Variants in CWF19L2 observed in about 807,000 individuals in gnomAD.
CWF19L2 encodes the protein CWF19 like cell cycle control factor 2, also known as CWF19-like protein 2.
CWF19L2 carries 98 observed loss-of-function variants against 111.7 expected under a neutral mutation model. The observed-to-expected ratio is 0.88, with a 90% CI of 0.75 to 1.04. CWF19L2 has a LOEUF of 1.04. Ranked by LOEUF, CWF19L2 falls within the 50% of genes least tolerant of loss-of-function variation. The pLI, the probability that CWF19L2 is intolerant of heterozygous loss-of-function variation, is 0.00. For missense variants in CWF19L2, 1,101 were observed against 1,051.4 expected (o/e 1.05, Z -0.65); for synonymous variants, 351 against 342.9 (o/e 1.02, Z -0.26).
intron 12 of CWF19L2, among the ~76,000 whole-genome samples, chr11:107,360,415 T>C (rs1038272874): frequency 6.6e-6 from 1 of 152,256 alleles, no homozygotes; most frequent in Non-Finnish European, 1.5e-5. Context: ...TACATTATCT[T>C]TAATCTTGTG....
At chr11:107,395,372 C>T (rs1215887094) in intron 10 of CWF19L2, among the ~76,000 whole-genome samples, 3 of 152,136 alleles carry the variant, frequency 2.0e-5, no homozygotes, top group Non-Finnish European at 2.9e-5. Flanking sequence ...TGCCCAGTTT[C>T]GGGTATGTCT....
At chr11:107,397,504 C>G (rs567833439) in intron 10 of CWF19L2, among the ~76,000 whole-genome samples, 1 of 152,208 alleles carries the variant, frequency 6.6e-6, no homozygotes, top group East Asian at 1.9e-4. Flanking sequence ...CCCACAGCAG[C>G]CCCAGCAAGA....
intron 12 of CWF19L2, among the ~76,000 whole-genome samples, chr11:107,365,062 T>G (rs1295191273): frequency 1.6e-5 from 2 of 121,564 alleles, no homozygotes; most frequent in Non-Finnish European, 3.4e-5. Context: ...GCAAATAAAC[T>G]AGAAAATCTA....
chr11:107,453,675 C>A (rs1861812314), intron 3 of CWF19L2, among the ~76,000 whole-genome samples: 1 of 151,486 alleles, frequency 6.6e-6, no homozygotes, highest in Non-Finnish European at 1.5e-5. Context: ...CTGTCTTGCG[C>A]CTTAGGTACC....
In CWF19L2 at chr11:107,404,598, G is replaced by A. The variant is rs78885324; in HGVS notation, c.1617+11611C>T. 6.2e-3 allele frequency: 3,597 copies of A among 584,256 alleles called. 99 individuals carry two copies. The highest frequency in any genetic ancestry group is 0.058 in the African/African-American group (3,090 of 53,522). 36.2% of individuals were successfully genotyped at this position (584,256 alleles called of 1,614,324 possible). A position where few individuals can be genotyped will look rare whatever the true frequency, so the allele number is the denominator to read the frequency against. ...GATGGTCTTTCCACAGGCAGAAAAA[G>A]CACCTGCAGCTCTGGCTTCGCTTCC... On this transcript the variant is annotated intron_variant, in intron 10 of 17. Transcript: ENST00000282251.
intron 15 of CWF19L2, among the ~76,000 whole-genome samples, chr11:107,335,743 T>C (rs1859913156): frequency 6.6e-6 from 1 of 152,122 alleles, no homozygotes; most frequent in South Asian, 2.1e-4. Flanking sequence ...AAATATAAAA[T>C]AACCTCATGT....
chr11:107,441,143 A>G (rs1053735592), intron 5 of CWF19L2, among the ~76,000 whole-genome samples: 4 of 152,152 alleles, frequency 2.6e-5, no homozygotes, highest in Non-Finnish European at 5.9e-5. Context: ...CTTATTTTAC[A>G]TTATATCCAC....
intron 3 of CWF19L2, among the ~76,000 whole-genome samples, chr11:107,451,011 T>G (rs889793043): frequency 2.6e-5 from 4 of 152,198 alleles, no homozygotes; most frequent in Non-Finnish European, 5.9e-5. Context: ...AATTGACATT[T>G]ATAAAACACT....
intron 10 of CWF19L2, among the ~76,000 whole-genome samples, chr11:107,396,597 T>C (rs1327866480): frequency 6.6e-6 from 1 of 152,196 alleles, no homozygotes; most frequent in Non-Finnish European, 1.5e-5. Context: ...TGTGAGATAA[T>C]AAATTTCTCC....
chr11:107,372,564 A>G lies in CWF19L2; in HGVS notation c.1872+17510T>C, dbSNP rs1027858967. Reference sequence around the variant, plus strand: ...GGCCACATTTAAAAATGTGGTCTTTAGCCTAACAGCAACAAAATACCATTC... The same window carrying G: ...GGCCACATTTAAAAATGTGGTCTTTGGCCTAACAGCAACAAAATACCATTC... On this transcript the variant is annotated intron_variant, in intron 12 of 17. Coordinates refer to ENST00000282251, the MANE Select transcript of CWF19L2 (RefSeq NM_152434.3). 2.9e-5 allele frequency among the ~76,000 whole-genome samples: 4 copies of G among 136,840 alleles called. 2 individuals carry two copies. The highest frequency in any genetic ancestry group is 1.4e-4 in the Admixed American group (2 of 14,070). 89.8% of individuals were successfully genotyped at this position (136,840 alleles called of 152,430 possible).
intron 10 of CWF19L2, among the ~76,000 whole-genome samples, chr11:107,409,175 G>A (rs1031717644): frequency 6.6e-6 from 1 of 151,492 alleles, no homozygotes; most frequent in Admixed American, 6.6e-5. Flanking sequence ...TGAACACAGT[G>A]AACGATGCAC....
At chr11:107,383,621 T>C (rs1314218397) in intron 12 of CWF19L2, among the ~76,000 whole-genome samples, 1 of 152,220 alleles carries the variant, frequency 6.6e-6, no homozygotes, top group Non-Finnish European at 1.5e-5. Flanking sequence ...TGTCATGAGA[T>C]ACCTTTCTTG....
intron 13 of CWF19L2, among the ~76,000 whole-genome samples, chr11:107,349,892 T>A (rs1283057799): frequency 1.3e-5 from 2 of 152,144 alleles, no homozygotes; most frequent in East Asian, 3.9e-4. Context: ...GTCATGGGTA[T>A]GTCTATAGAC....
At chr11:107,399,958 C>T (rs909807978) in intron 10 of CWF19L2, among the ~76,000 whole-genome samples, 5 of 152,138 alleles carry the variant, frequency 3.3e-5, no homozygotes, top group African/African-American at 1.2e-4. Context: ...TAACCTGCTC[C>T]TGAATGAGCA....
At chr11:107,378,934 A>C (rs1442531081) in intron 12 of CWF19L2, among the ~76,000 whole-genome samples, 3 of 152,196 alleles carry the variant, frequency 2.0e-5, no homozygotes, top group African/African-American at 7.2e-5. Flanking sequence ...TTGGTGACAG[A>C]CTGGATGTGG....
At chr11:107,444,675 G>A (rs1861677054) in intron 3 of CWF19L2, among the ~76,000 whole-genome samples, 1 of 152,100 alleles carries the variant, frequency 6.6e-6, no homozygotes, top group Non-Finnish European at 1.5e-5. Context: ...TGGATGGCAT[G>A]CTAAACTCAG....
chr11:107,449,137 CAAA>C (rs34294840), intron 3 of CWF19L2, among the ~76,000 whole-genome samples: 12 of 85,794 alleles, frequency 1.4e-4, no homozygotes, highest in Non-Finnish European at 2.6e-4. Context: ...TTTTACAGTG[CAAA>C]AAAAAAAAAA....
intron 12 of CWF19L2, among the ~76,000 whole-genome samples, chr11:107,380,806 G>A (rs571239780): frequency 6.6e-6 from 1 of 152,140 alleles, no homozygotes; most frequent in Non-Finnish European, 1.5e-5. Flanking sequence ...CCAAAAGATG[G>A]AAGCAACCCA....
At position 107,326,634 on chromosome 11, in the gene CWF19L2, A is replaced by G; in HGVS notation, c.*276T>C. 1.1e-5 allele frequency: 3 copies of G among 284,274 alleles called. No individual in the cohort carries two copies. Among genetic ancestry groups the G allele is most frequent in the Non-Finnish European group, 1.9e-5 (3 of 154,666 alleles). The allele number at this position is 284,274 out of a possible 1,614,324, so 17.6% of individuals were successfully genotyped here. ...AAAAGGCCTTCTCTAAATTAACTGA[A>G]CAATTCGGAATACCAAGAAGTAGGT... is the stretch of plus-strand genomic sequence containing the variant. On this transcript the variant is annotated 3_prime_UTR_variant, in exon 18 of 18. Transcript: ENST00000282251.
Sources: allele counts gnomAD v4.1 joint callset (sites outside exome capture counted in the v4.1 genomes callset), GRCh38; gene constraint gnomAD v4.1.1; transcripts MANE v1.5; gene names NCBI Gene and HGNC (gene_info 2026-07-23, HGNC 2026-07-21).